Variants in TMEM178B observed in about 807,000 individuals in gnomAD.
TMEM178B encodes transmembrane protein 178B.
In TMEM178B, 5 loss-of-function variants were observed where a neutral mutation model predicts 31.0. The ratio of observed to expected loss-of-function variants is 0.16; its 90% CI spans 0.08 to 0.34. TMEM178B has a LOEUF of 0.34. Ranked by LOEUF, TMEM178B falls within the 10% of genes least tolerant of loss-of-function variation. The pLI is 1.00. For synonymous variants in TMEM178B, 164 were observed against 164.0 expected, an observed-to-expected ratio of 1.00 and a Z score of 0.00; for missense variants, 275 against 400.3, an observed-to-expected ratio of 0.69 and a Z score of 2.67.
intron 1 of TMEM178B, among the ~76,000 whole-genome samples, chr7:141,206,292 A>G (rs1796961682): frequency 6.6e-6 from 1 of 152,198 alleles, no homozygotes; most frequent in African/African-American, 2.4e-5. Flanking sequence ...GGAAGGAAGA[A>G]TGTGCTAGCA....
the TMEM178B span, among the ~76,000 whole-genome samples, chr7:141,495,750 TC>T: frequency 1.3e-5 from 2 of 152,176 alleles, no homozygotes; most frequent in Non-Finnish European, 2.9e-5. Flanking sequence ...ACAACCAAGG[TC>T]CATCTCTGTG....
intron 2 of TMEM178B, among the ~76,000 whole-genome samples, chr7:141,432,356 T>TGTTG (rs962522477): frequency 6.6e-6 from 1 of 152,128 alleles, no homozygotes; most frequent in African/African-American, 2.4e-5. Context: ...GGTTTCACCA[T>TGTTG]GTTGGCCAGG....
At chr7:141,424,051 C>T (rs1002102623) in intron 2 of TMEM178B, among the ~76,000 whole-genome samples, 2 of 151,774 alleles carry the variant, frequency 1.3e-5, no homozygotes, top group African/African-American at 4.8e-5. Context: ...CTCCTGACCT[C>T]AGATGATCCA....
rs1158964805 is a variant in TMEM178B, at chr7:141,215,826, CTTTCTTTCTTTCT to C, written c.496+3130_496+3142del. 6.8e-3 allele frequency among the ~76,000 whole-genome samples: 353 copies of C among 51,750 alleles called. 5 individuals carry two copies. The highest frequency in any genetic ancestry group is 0.051 in the Admixed American group (191 of 3,766). The allele number at this position is 51,750 out of a possible 152,430, so 34.0% of individuals were successfully genotyped here. A position where few individuals can be genotyped will look rare whatever the true frequency, so the allele number is the denominator to read the frequency against. ...TCTTTCTTTCTTTCTTTCTTTCTTTCTTTCTTTCTTTCTTTTCTTTTCTTTTCTTTCTCTTTCT... is the reference window on the plus strand; with the variant it reads ...TCTTTCTTTCTTTCTTTCTTTCTTTCTTTCTTTTCTTTTCTTTCTCTTTCT... On this transcript the variant is annotated intron_variant, in intron 2 of 3. Transcript: ENST00000565468.
At chr7:141,101,774 G>T (rs1795061988) in intron 1 of TMEM178B, among the ~76,000 whole-genome samples, 1 of 152,200 alleles carries the variant, frequency 6.6e-6, no homozygotes, top group Non-Finnish European at 1.5e-5. Context: ...TACATGTCCA[G>T]TGTGTAGTGA....
intron 2 of TMEM178B, among the ~76,000 whole-genome samples, chr7:141,386,751 G>A (rs796811122): frequency 1.3e-5 from 2 of 152,092 alleles, no homozygotes; most frequent in Admixed American, 6.6e-5. Context: ...TTGTTTGCAC[G>A]CAGTGGAGAT....
intron 3 of TMEM178B, among the ~76,000 whole-genome samples, chr7:141,458,834 C>G (rs538557187): frequency 6.6e-6 from 1 of 152,312 alleles, no homozygotes; most frequent in African/African-American, 2.4e-5. Context: ...CATTGAAACA[C>G]AAGGTGTGTA....
intron 2 of TMEM178B, among the ~76,000 whole-genome samples, chr7:141,299,086 G>A (rs1798682080): frequency 6.6e-6 from 1 of 152,198 alleles, no homozygotes. Flanking sequence ...AAGGAGAGCT[G>A]CCTCGTAGTG....
chr7:141,203,764 TG>T (rs1262390013), intron 1 of TMEM178B, among the ~76,000 whole-genome samples: 1 of 152,182 alleles, frequency 6.6e-6, no homozygotes, highest in Admixed American at 6.5e-5. Flanking sequence ...TACCCCTTCC[TG>T]AGGTTGTCAT....
At chr7:141,170,677 C>T (rs1279940591) in intron 1 of TMEM178B, among the ~76,000 whole-genome samples, 2 of 152,314 alleles carry the variant, frequency 1.3e-5, no homozygotes, top group East Asian at 3.9e-4. Flanking sequence ...TTCCCACCAG[C>T]TGACAAGGAC....
At chr7:141,488,717 C>T in the TMEM178B span, among the ~76,000 whole-genome samples, 1 of 152,060 alleles carries the variant, frequency 6.6e-6, no homozygotes, top group South Asian at 2.1e-4. Context: ...GGATTACAGG[C>T]ATGAGCCACC....
intron 1 of TMEM178B, among the ~76,000 whole-genome samples, chr7:141,093,049 G>A (rs549163761): frequency 2.7e-4 from 41 of 152,302 alleles, no homozygotes; most frequent in African/African-American, 6.0e-4. Flanking sequence ...TCCATGTTAC[G>A]TAGTGTTTGA....
At chr7:141,175,463 A>G (rs1373464477) in intron 1 of TMEM178B, among the ~76,000 whole-genome samples, 1 of 152,112 alleles carries the variant, frequency 6.6e-6, no homozygotes, top group Non-Finnish European at 1.5e-5. Flanking sequence ...TTGGTTCCAT[A>G]TGAAATTTAA....
the TMEM178B span, among the ~76,000 whole-genome samples, chr7:141,494,953 T>G: frequency 6.6e-6 from 1 of 152,220 alleles, no homozygotes; most frequent in Non-Finnish European, 1.5e-5. Context: ...TTGATAACTA[T>G]TGAAGCCGGG....
At chr7:141,298,227 G>A (rs1798668074) in intron 2 of TMEM178B, among the ~76,000 whole-genome samples, 1 of 152,114 alleles carries the variant, frequency 6.6e-6, no homozygotes, top group Admixed American at 6.6e-5. Context: ...TTGTAAATTT[G>A]TTTCAGTTCT....
At chr7:141,124,314 C>T (rs1795454952) in intron 1 of TMEM178B, among the ~76,000 whole-genome samples, 2 of 151,970 alleles carry the variant, frequency 1.3e-5, no homozygotes, top group South Asian at 4.2e-4. Flanking sequence ...TTGCAGTGAG[C>T]CAAGATCATG....
intron 1 of TMEM178B, among the ~76,000 whole-genome samples, chr7:141,183,470 T>A (rs2129184158): frequency 6.6e-6 from 1 of 152,362 alleles, no homozygotes; most frequent in Non-Finnish European, 1.5e-5. Flanking sequence ...AAGCAGTTAC[T>A]TATCTGTATT....
chr7:141,308,004 A>T (rs1172227035), intron 2 of TMEM178B, among the ~76,000 whole-genome samples: 1 of 152,190 alleles, frequency 6.6e-6, no homozygotes, highest in Non-Finnish European at 1.5e-5. Context: ...TGTAGAGCAG[A>T]TGTTTTGTAT....
chr7:141,262,474 A>AATATATATATATATATATAT lies in TMEM178B; in HGVS notation c.496+49781_496+49800dup, dbSNP rs10570183. Among the ~76,000 whole-genome samples the AATATATATATATATATATAT allele has an allele frequency of 2.5e-3, 325 of 131,690 alleles. 1 individual carries two copies. Among genetic ancestry groups the AATATATATATATATATATAT allele is most frequent in the African/African-American group, 3.2e-3 (108 of 33,864 alleles). The allele number at this position is 131,690 out of a possible 152,430, so 86.4% of individuals were successfully genotyped here. ...AATGGAAAGCTTGATAAATACATATAATATATATATATATATATATATATA... is the reference window on the plus strand; with the variant it reads ...AATGGAAAGCTTGATAAATACATATAATATATATATATATATATATATATATATATATATATATATATATA... On this transcript the variant is annotated intron_variant, in intron 2 of 3. Transcript: ENST00000565468.
Sources: gnomAD v4.1 joint callset for allele counts (sites outside exome capture counted in the v4.1 genomes callset) on GRCh38, gnomAD v4.1.1 for gene constraint, MANE v1.5 for transcripts, NCBI Gene and HGNC (gene_info 2026-07-23, HGNC 2026-07-21) for gene names.